CNTNAP2: variants seen among roughly 807,000 people sequenced by gnomAD.
CNTNAP2 encodes contactin associated protein 2, also known as contactin-associated protein-like 2.
In CNTNAP2, 98 loss-of-function variants were observed where a neutral mutation model predicts 155.2. The observed-to-expected ratio is 0.63, with a 90% CI of 0.54 to 0.75. CNTNAP2 has a LOEUF of 0.75. Ranked by LOEUF, CNTNAP2 falls within the 30% of genes least tolerant of loss-of-function variation. CNTNAP2 has a pLI of 0.00. For missense variants in CNTNAP2, 1,727 were observed against 1,688.1 expected, an observed-to-expected ratio of 1.02 and a Z score of -0.40; for synonymous variants, 651 against 631.2, an observed-to-expected ratio of 1.03 and a Z score of -0.47.
chr7:146,394,346 A>G (rs776560439), intron 1 of CNTNAP2, among the ~76,000 whole-genome samples: 1 of 152,170 alleles, frequency 6.6e-6, no homozygotes, highest in East Asian at 1.9e-4. Flanking sequence ...TACATGGAAG[A>G]TAAGACAGGC....
chr7:146,449,079 GAT>G (rs1307069491), intron 1 of CNTNAP2, among the ~76,000 whole-genome samples: 1 of 152,002 alleles, frequency 6.6e-6, no homozygotes, highest in African/African-American at 2.4e-5. Context: ...CTAATTTACT[GAT>G]TCTTTCCTCT....
chr7:146,702,294 A>G (rs1404371451), intron 1 of CNTNAP2, among the ~76,000 whole-genome samples: 8 of 152,176 alleles, frequency 5.3e-5, no homozygotes, highest in Non-Finnish European at 2.9e-5. Context: ...TTAGAAAAGC[A>G]TTCTATAGAA....
chr7:147,493,352 A>G (rs1456257974), intron 11 of CNTNAP2, among the ~76,000 whole-genome samples: 1 of 152,198 alleles, frequency 6.6e-6, no homozygotes, highest in African/African-American at 2.4e-5. Flanking sequence ...GTGAGCAACT[A>G]CCAAATTCCT....
intron 13 of CNTNAP2, among the ~76,000 whole-genome samples, chr7:147,859,648 G>A (rs1383888223): frequency 1.3e-5 from 2 of 152,072 alleles, no homozygotes; most frequent in East Asian, 3.9e-4. Flanking sequence ...TTAATTATGG[G>A]AGTCCCTGTG....
chr7:147,665,121 TA>T (rs1795673406), intron 13 of CNTNAP2, among the ~76,000 whole-genome samples: 1 of 152,166 alleles, frequency 6.6e-6, no homozygotes, highest in Non-Finnish European at 1.5e-5. Context: ...ATGAACCCCT[TA>T]TAACCCTTTC....
At chr7:146,461,832 T>A (rs2129124768) in intron 1 of CNTNAP2, among the ~76,000 whole-genome samples, 1 of 152,294 alleles carries the variant, frequency 6.6e-6, no homozygotes, top group African/African-American at 2.4e-5. Flanking sequence ...TGTAGGTCAG[T>A]GTTCTGGAAA....
intron 12 of CNTNAP2, among the ~76,000 whole-genome samples, chr7:147,592,972 G>A (rs780243638): frequency 6.6e-6 from 1 of 152,150 alleles, no homozygotes; most frequent in Non-Finnish European, 1.5e-5. Flanking sequence ...AGGATGCGAG[G>A]CAAAGACTTG....
At chr7:146,741,871 C>T (rs959438240) in intron 1 of CNTNAP2, among the ~76,000 whole-genome samples, 2 of 151,830 alleles carry the variant, frequency 1.3e-5, no homozygotes, top group African/African-American at 4.8e-5. Flanking sequence ...AAGGATGGAG[C>T]TAGAGGATAA....
chr7:146,643,607 T>G (rs1799753114), intron 1 of CNTNAP2, among the ~76,000 whole-genome samples: 1 of 152,206 alleles, frequency 6.6e-6, no homozygotes, highest in Non-Finnish European at 1.5e-5. Context: ...GCCTCCAGCT[T>G]TGTTCTTTTG....
At chr7:146,122,757 C>A (rs1231700275) in intron 1 of CNTNAP2, among the ~76,000 whole-genome samples, 1 of 152,086 alleles carries the variant, frequency 6.6e-6, no homozygotes, top group Non-Finnish European at 1.5e-5. Context: ...AATAACATTG[C>A]CATTTAAAAT....
chr7:147,848,551 C>G (rs989615602), intron 13 of CNTNAP2, among the ~76,000 whole-genome samples: 3 of 151,354 alleles, frequency 2.0e-5, no homozygotes, highest in African/African-American at 7.3e-5. Flanking sequence ...AGAAATCACC[C>G]GTCTTCTGCG....
At chr7:147,031,775 G>C (rs542874613) in intron 3 of CNTNAP2, among the ~76,000 whole-genome samples, 2 of 152,114 alleles carry the variant, frequency 1.3e-5, no homozygotes, top group Non-Finnish European at 2.9e-5. Flanking sequence ...AAAATTAGCC[G>C]GGCGTGGTGG....
At position 148,172,250 on chromosome 7, in the gene CNTNAP2, G is replaced by A; in HGVS notation, c.2782G>A (p.Gly928Arg). ...CCTTCTGTCATTCCCAGGTGGTGCTGGGGGCCAGCAGGGCTTCCTGGGCTG... is the reference window on the plus strand; with the variant it reads ...CCTTCTGTCATTCCCAGGTGGTGCTAGGGGCCAGCAGGGCTTCCTGGGCTG... Reference protein sequence around the residue: ...LYSQLFVGGAGGQQGFLGCIR... With the variant: ...LYSQLFVGGARGQQGFLGCIR... Residue 928 changes from glycine (G) to arginine (R), a missense_variant, in exon 18 of 24, where the codon GGG (glycine) becomes AGG (arginine). Physicochemically the swap from Gly to Arg is moderately radical, Grantham distance 125. Coordinates refer to ENST00000361727, the MANE Select transcript of CNTNAP2 (RefSeq NM_014141.6). The A allele has an allele frequency of 6.2e-7, 1 of 1,613,738 alleles. No individual in the cohort carries two copies. Among genetic ancestry groups the A allele is most frequent in the Non-Finnish European group, 8.5e-7 (1 of 1,179,966 alleles).
chr7:147,780,891 T>A (rs1382026086), intron 13 of CNTNAP2, among the ~76,000 whole-genome samples: 1 of 152,236 alleles, frequency 6.6e-6, no homozygotes, highest in Non-Finnish European at 1.5e-5. Flanking sequence ...TTTGCATGTA[T>A]AATTTTCCAG....
At chr7:147,637,907 G>A (rs1469943293) in intron 12 of CNTNAP2, among the ~76,000 whole-genome samples, 2 of 152,052 alleles carry the variant, frequency 1.3e-5, no homozygotes. Context: ...CCACCATTTA[G>A]TCTTCTTTTA....
At chr7:146,859,746 T>C (rs1445471816) in intron 3 of CNTNAP2, among the ~76,000 whole-genome samples, 1 of 151,726 alleles carries the variant, frequency 6.6e-6, no homozygotes, top group Non-Finnish European at 1.5e-5. Context: ...CCAACTCAAT[T>C]GAAAACAAAA....
chr7:148,368,004 A>T (rs561339214), intron 21 of CNTNAP2, among the ~76,000 whole-genome samples: 34 of 152,282 alleles, frequency 2.2e-4, no homozygotes, highest in East Asian at 5.8e-4. Context: ...AAGATCCCCC[A>T]AGCAAACATT....
Position 148,101,350 on chromosome 7 carries a change from AGTGTGTGTGTGTGTGTGT to A in CNTNAP2, c.2384-16742_2384-16725del, listed in dbSNP as rs4015917. Among the ~76,000 whole-genome samples the A allele has an allele frequency of 2.5e-4, 36 of 144,436 alleles. No individual in the cohort carries two copies. In the East Asian group the frequency reaches 4.2e-3, roughly 17 times the overall value. 94.8% of individuals were successfully genotyped at this position (144,436 alleles called of 152,430 possible). Reference sequence around the variant, plus strand: ...ATGGAAGCACAAAACTAAAAAGTTCAGTGTGTGTGTGTGTGTGTGTGTGTGTGTGTGTGTGTGTGTGTG... The same window carrying A: ...ATGGAAGCACAAAACTAAAAAGTTCAGTGTGTGTGTGTGTGTGTGTGTGTG... On this transcript the variant is annotated intron_variant, in intron 15 of 23. Transcript: ENST00000361727.
chr7:146,876,760 A>T (rs936350359), intron 3 of CNTNAP2, among the ~76,000 whole-genome samples: 1 of 152,152 alleles, frequency 6.6e-6, no homozygotes, highest in Admixed American at 6.6e-5. Flanking sequence ...ATGATCCAAT[A>T]CACATTATTG....
Sources: allele counts gnomAD v4.1 joint callset (sites outside exome capture counted in the v4.1 genomes callset), GRCh38; gene constraint gnomAD v4.1.1; transcripts MANE v1.5; gene names NCBI Gene and HGNC (gene_info 2026-07-23, HGNC 2026-07-21).